The following NRP2 variants were observed in gnomAD, a reference collection of about 807,000 sequenced individuals.
NRP2 encodes neuropilin-2.
A neutral mutation model predicts 110.4 loss-of-function variants in NRP2; 52 were observed. The ratio of observed to expected loss-of-function variants is 0.47; its 90% CI spans 0.38 to 0.59. The LOEUF (loss-of-function observed/expected upper bound fraction) is 0.59, where lower values mean the gene tolerates loss of function less well. Ranked by LOEUF, NRP2 falls within the 20% of genes least tolerant of loss-of-function variation. NRP2 has a pLI of 0.00. For synonymous variants in NRP2, 508 were observed against 468.9 expected, an observed-to-expected ratio of 1.08 and a Z score of -1.08; for missense variants, 1,049 against 1,203.0, an observed-to-expected ratio of 0.87 and a Z score of 1.89.
chr2:205,787,713 A>AGT (rs1553600976), intron 15 of NRP2, among the ~76,000 whole-genome samples: 9 of 104,082 alleles, frequency 8.6e-5, no homozygotes, highest in African/African-American at 3.4e-4. Flanking sequence ...GATAAAAAAA[A>AGT]GTGTCTGTGT....
intron 9 of NRP2, among the ~76,000 whole-genome samples, chr2:205,745,067 G>A (rs1425093862): frequency 6.6e-6 from 1 of 152,212 alleles, no homozygotes; most frequent in Non-Finnish European, 1.5e-5. Flanking sequence ...TCCCCCGGAT[G>A]AGTGTCTCCA....
chr2:205,756,323 C>A (rs1478769450), intron 12 of NRP2: 1 of 152,128 alleles, frequency 6.6e-6, no homozygotes, highest in East Asian at 1.9e-4. Context: ...ATAGGAAGCA[C>A]CCCCTTACTA....
chr2:205,793,373 C>A (rs2058322206), intron 16 of NRP2, among the ~76,000 whole-genome samples: 1 of 152,148 alleles, frequency 6.6e-6, no homozygotes, highest in Non-Finnish European at 1.5e-5. Flanking sequence ...TATATAATAT[C>A]CTGCCTTCTT....
intron 2 of NRP2, among the ~76,000 whole-genome samples, chr2:205,709,500 T>C (rs1179712109): frequency 2.6e-5 from 4 of 152,192 alleles, no homozygotes; most frequent in Non-Finnish European, 5.9e-5. Flanking sequence ...ATTTTGTAGA[T>C]GATGAAACTG....
chr2:205,763,876 C>T lies in NRP2; in HGVS notation c.2247C>T (p.Asp749=). The T allele has an allele frequency of 6.2e-7, 1 of 1,614,096 alleles. No homozygotes were observed. Among genetic ancestry groups the T allele is most frequent in the Non-Finnish European group, 8.5e-7 (1 of 1,179,966 alleles). The change falls in exon 13 of 17, where the codon GAC becomes GAT. Residue 749 remains aspartate, a synonymous_variant. Coordinates refer to ENST00000357785, the MANE Select transcript of NRP2 (RefSeq NM_003872.3). This position sits in a 1 kb window ranked among gnomAD's most constrained non-coding sequence, Gnocchi z 4.0. The part of the protein sequence containing the change: ...ESKLLWVIRE[D]QGGEWKHGRI... ...AGTTGCTGTGGGTCATCCGTGAGGA[C>T]CAGGGCGGCGAGTGGAAGCACGGGC...
At chr2:205,767,294 C>G in intron 15 of NRP2, 1 of 420,796 alleles carries the variant, frequency 2.4e-6, no homozygotes, top group Admixed American at 2.7e-5. Flanking sequence ...GTACAGCCTG[C>G]AGTCAGTACC....
chr2:205,721,621 A>T (rs1275321621), intron 3 of NRP2, among the ~76,000 whole-genome samples: 1 of 152,156 alleles, frequency 6.6e-6, no homozygotes, highest in Non-Finnish European at 1.5e-5. Context: ...CTGCCATCCA[A>T]GCTCGCACCA....
chr2:205,687,438 ATT>A (rs2307697), intron 1 of NRP2, among the ~76,000 whole-genome samples: 133,033 of 152,032 alleles, frequency 0.88, 58,735 homozygotes, highest in East Asian at 0.95. Flanking sequence ...CCCAGTAAAC[ATT>A]TTTCCCCCGT....
chr2:205,794,959 C>G lies in NRP2; in HGVS notation c.2682C>G (p.Ser894=). 1.2e-6 allele frequency: 2 copies of G among 1,614,148 alleles called. No individual in the cohort carries two copies. The highest frequency in any genetic ancestry group is 1.7e-6 in the Non-Finnish European group (2 of 1,180,046). The change falls in exon 17 of 17, where the codon TCC becomes TCG. Residue 894 remains serine (S), a synonymous_variant. Coordinates refer to ENST00000357785, the MANE Select transcript of NRP2 (RefSeq NM_003872.3). ...YCTCSYSGLS[S]RSCTTLENYN... is the part of the protein sequence containing the mutation. ...CCTGTTCCTACTCGGGCCTGAGCTC[C>G]CGAAGCTGCACCACACTGGAGAACT...
chr2:205,739,367 A>G (rs62172965), intron 7 of NRP2, among the ~76,000 whole-genome samples: 33,883 of 152,162 alleles, frequency 0.22, 4,648 homozygotes, highest in East Asian at 0.33. Context: ...ATAATTGTTT[A>G]TACTCAAAGA....
chr2:205,718,035 G>A (rs2056935609), intron 3 of NRP2, among the ~76,000 whole-genome samples: 1 of 152,100 alleles, frequency 6.6e-6, no homozygotes, highest in South Asian at 2.1e-4. Context: ...GCAATCGAGG[G>A]GCTCCAGAGA....
At chr2:205,777,988 G>A (rs961172017) in intron 15 of NRP2, 3 of 152,208 alleles carry the variant, frequency 2.0e-5, no homozygotes, top group African/African-American at 7.2e-5. Context: ...GGAGCGGGAT[G>A]TAAGAGAGAA....
In NRP2 at chr2:205,748,711, C is replaced by T. The variant is rs76386762; in HGVS notation, c.1787-1014C>T. Among the ~76,000 whole-genome samples, 11 of 152,280 alleles carry T rather than the reference C, an allele frequency of 7.2e-5. No individual in the cohort carries two copies. In the East Asian group the frequency reaches 1.9e-3, roughly 27 times the overall value. ...GGAGCATGTATAGAAATGAGAGGGA[C>T]AAGGCACTGGCATCCTGTTGGAGGA... On this transcript the variant is annotated intron_variant, in intron 10 of 16. Coordinates refer to ENST00000357785, the MANE Select transcript of NRP2 (RefSeq NM_003872.3).
chr2:205,718,716 C>T (rs375379884), intron 3 of NRP2, among the ~76,000 whole-genome samples: 1 of 150,676 alleles, frequency 6.6e-6, no homozygotes, highest in African/African-American at 2.4e-5. Context: ...TTGTGGCAGG[C>T]GGATCACCTG....
intron 3 of NRP2, among the ~76,000 whole-genome samples, chr2:205,717,290 C>T (rs141777572): frequency 2.6e-4 from 39 of 152,280 alleles, no homozygotes; most frequent in African/African-American, 7.9e-4. Context: ...CCTCTCCCCC[C>T]AGCAGCCCAA....
intron 15 of NRP2, among the ~76,000 whole-genome samples, chr2:205,781,915 G>A (rs2058178781): frequency 6.6e-6 from 1 of 152,096 alleles, no homozygotes; most frequent in African/African-American, 2.4e-5. Flanking sequence ...TATGTATAGA[G>A]GTCAGATACA....
chr2:205,792,088 T>A, intron 15 of NRP2, 147 bp from the exon 16 acceptor site: 1 of 649,274 alleles, frequency 1.5e-6, no homozygotes, highest in Non-Finnish European at 2.8e-6. Flanking sequence ...AATCCAGTAA[T>A]GTCCATAATG....
intron 1 of NRP2, among the ~76,000 whole-genome samples, chr2:205,684,757 C>G (rs2056104697): frequency 6.6e-6 from 1 of 152,242 alleles, no homozygotes; most frequent in African/African-American, 2.4e-5. Context: ...GGGCCTCCGC[C>G]GTTCCCCCTT....
intron 12 of NRP2, among the ~76,000 whole-genome samples, chr2:205,760,091 G>T (rs1344378461): frequency 6.6e-6 from 1 of 152,228 alleles, no homozygotes; most frequent in Non-Finnish European, 1.5e-5. Context: ...AAATGGAGAA[G>T]ATGGTATTTA....
Sources: gnomAD v4.1 joint callset for allele counts (sites outside exome capture counted in the v4.1 genomes callset) on GRCh38, gnomAD v4.1.1 for gene constraint, Gnocchi (gnomAD v3.1) non-coding constraint, MANE v1.5 for transcripts, NCBI Gene and HGNC (gene_info 2026-07-23, HGNC 2026-07-21) for gene names.